Variants in DCAF5 observed in about 807,000 individuals in gnomAD.
DCAF5 encodes the protein DDB1- and CUL4-associated factor 5.
Under a neutral mutation model 80.7 loss-of-function variants are expected in DCAF5, and 9 were observed. That is an observed-to-expected ratio of 0.11 (90% CI 0.07 to 0.19). DCAF5 has a LOEUF of 0.19. DCAF5 is among the 10% of genes least tolerant of loss of function. The pLI, the probability that DCAF5 is intolerant of heterozygous loss-of-function variation, is 1.00. For synonymous variants in DCAF5, 433 were observed against 461.9 expected, an observed-to-expected ratio of 0.94 and a Z score of 0.80; for missense variants, 842 against 1,205.7, an observed-to-expected ratio of 0.70 and a Z score of 4.47.
Position 69,060,997 on chromosome 14 carries a change from T to TA in DCAF5, c.1074+1386dup, listed in dbSNP as rs201470616. 7.0e-3 allele frequency among the ~76,000 whole-genome samples: 1,059 copies of TA among 151,984 alleles called. 15 individuals are homozygous for TA. Among genetic ancestry groups the TA allele is most frequent in the African/African-American group, 0.024 (1,015 of 41,444 alleles). On this transcript the variant is annotated intron_variant, in intron 8 of 8. Coordinates refer to ENST00000341516, the MANE Select transcript of DCAF5 (RefSeq NM_003861.3). ...TCTCAGGTTTTCAAAGTCATTTTAA[T>TA]AAAAAAATTGAGGATTTTTTTTTTT...
In DCAF5 at chr14:69,118,302, G is replaced by T. The variant is rs747664048; in HGVS notation, c.396-24C>A. 6.2e-7 allele frequency: 1 copy of T among 1,612,594 alleles called. No homozygotes were observed. The highest frequency in any genetic ancestry group is 1.1e-5 in the South Asian group (1 of 90,932). ...TGCTGGGAGATAAGAGAGCAAGACA[G>T]AGGCACACACATACACACAAGCATA... On this transcript the variant is annotated intron_variant, in intron 3 of 8. Coordinates refer to ENST00000341516, the MANE Select transcript of DCAF5 (RefSeq NM_003861.3). This position sits in a 1 kb window ranked among gnomAD's most constrained non-coding sequence, Gnocchi z 4.0.
intron 2 of DCAF5, 31 bp downstream of exon 2, chr14:69,122,186 G>A (rs1183056347): frequency 1.3e-6 from 2 of 1,598,832 alleles, no homozygotes; most frequent in Middle Eastern, 1.7e-4. Context: ...CAACCACAGT[G>A]ACGTTCCCAA....
At chr14:69,140,908 G>A (rs189671833) in intron 1 of DCAF5, among the ~76,000 whole-genome samples, 8 of 152,144 alleles carry the variant, frequency 5.3e-5, no homozygotes, top group Admixed American at 3.9e-4. Flanking sequence ...CCCCCGCCTA[G>A]GGACTGAACT....
chr14:69,069,359 T>G lies in DCAF5; in HGVS notation c.946+5986A>C, dbSNP rs546003463. Among the ~76,000 whole-genome samples the G allele has an allele frequency of 1.2e-4, 18 of 152,298 alleles. No individual in the cohort carries two copies. In the East Asian group the frequency reaches 3.1e-3, roughly 26 times the overall value. ...ACTGATGAGTCAAGGGCAGCCTTCA[T>G]GCAAGAACAACTCAATCAGCCATTC... is the stretch of plus-strand genomic sequence containing the variant. On this transcript the variant is annotated intron_variant, in intron 7 of 8. Transcript: ENST00000341516.
At chr14:69,148,239 A>T (rs895477761) in intron 1 of DCAF5, among the ~76,000 whole-genome samples, 1 of 152,198 alleles carries the variant, frequency 6.6e-6, no homozygotes, top group Admixed American at 6.5e-5. Context: ...AACCCAAGAT[A>T]TCCCCTAAAT....
At chr14:69,120,065 C>T (rs915194563) in intron 2 of DCAF5, among the ~76,000 whole-genome samples, 1 of 151,984 alleles carries the variant, frequency 6.6e-6, no homozygotes, top group Middle Eastern at 3.4e-3. Flanking sequence ...CAGGATCTTG[C>T]TCTGTTTGTC....
At position 69,115,886 on chromosome 14, in the gene DCAF5, A is replaced by G. The variant is rs182992562; in HGVS notation, c.665+480T>C. ...AGAAAATGCACTTATTTGAATATACAATATATAATTTTCATATAATTTTGG... is the reference window on the plus strand; with the variant it reads ...AGAAAATGCACTTATTTGAATATACGATATATAATTTTCATATAATTTTGG... On this transcript the variant is annotated intron_variant, in intron 5 of 8. Coordinates refer to ENST00000341516, the MANE Select transcript of DCAF5 (RefSeq NM_003861.3). 3.9e-5 allele frequency among the ~76,000 whole-genome samples: 6 copies of G among 152,304 alleles called. No individual in the cohort carries two copies. In the East Asian group the frequency reaches 1.2e-3, roughly 29 times the overall value.
At chr14:69,101,918 C>T (rs2039965240) in intron 5 of DCAF5, among the ~76,000 whole-genome samples, 1 of 152,078 alleles carries the variant, frequency 6.6e-6, no homozygotes, top group African/African-American at 2.4e-5. Context: ...AGGGTATCCA[C>T]CATGAATAGC....
At chr14:69,115,789 G>A (rs750776789) in intron 5 of DCAF5, among the ~76,000 whole-genome samples, 1 of 152,172 alleles carries the variant, frequency 6.6e-6, no homozygotes, top group African/African-American at 2.4e-5. Flanking sequence ...ATGAGGTCCT[G>A]AACACCACAG....
At chr14:69,104,207 C>A (rs1425578155) in intron 5 of DCAF5, among the ~76,000 whole-genome samples, 2 of 152,138 alleles carry the variant, frequency 1.3e-5, no homozygotes, top group Non-Finnish European at 2.9e-5. Flanking sequence ...TACATATTCC[C>A]ACCAGCAATA....
At chr14:69,146,610 A>C (rs750706117) in intron 1 of DCAF5, among the ~76,000 whole-genome samples, 10 of 152,196 alleles carry the variant, frequency 6.6e-5, no homozygotes, top group Non-Finnish European at 1.3e-4. Flanking sequence ...GGTAGAGGGG[A>C]TATCTTTTAA....
At chr14:69,126,308 C>T (rs915000916) in intron 1 of DCAF5, among the ~76,000 whole-genome samples, 45 of 151,968 alleles carry the variant, frequency 3.0e-4, no homozygotes, top group Admixed American at 2.9e-3. Context: ...CAGACACCCA[C>T]CACCACGCCC....
chr14:69,139,759 T>C (rs2041305527), intron 1 of DCAF5, among the ~76,000 whole-genome samples: 1 of 148,644 alleles, frequency 6.7e-6, no homozygotes. Context: ...GCGACTGCAG[T>C]GAGTGAGATC....
chr14:69,060,433 T>C (rs2038162544), intron 8 of DCAF5, among the ~76,000 whole-genome samples: 2 of 152,190 alleles, frequency 1.3e-5, no homozygotes, highest in Admixed American at 6.5e-5. Flanking sequence ...AAATGTGTGC[T>C]GCAATGAAAG....
At chr14:69,137,380 A>G (rs991389207) in intron 1 of DCAF5, among the ~76,000 whole-genome samples, 1 of 152,122 alleles carries the variant, frequency 6.6e-6, no homozygotes, top group Admixed American at 6.5e-5. Flanking sequence ...AACCTGGACA[A>G]TATGCTCTCC....
At chr14:69,140,160 G>C (rs1385377106) in intron 1 of DCAF5, among the ~76,000 whole-genome samples, 2 of 151,962 alleles carry the variant, frequency 1.3e-5, no homozygotes, top group Non-Finnish European at 2.9e-5. Context: ...TCAGCTACTT[G>C]GGAAGCTGAG....
intron 1 of DCAF5, among the ~76,000 whole-genome samples, chr14:69,137,072 ATAAT>A (rs1458625933): frequency 6.6e-6 from 1 of 152,152 alleles, no homozygotes; most frequent in African/African-American, 2.4e-5. Context: ...CAAATTTCCT[ATAAT>A]TAATACATAA....
chr14:69,126,964 T>C (rs910714947), intron 1 of DCAF5, among the ~76,000 whole-genome samples: 4 of 152,180 alleles, frequency 2.6e-5, no homozygotes, highest in South Asian at 2.1e-4. Flanking sequence ...TAGAAGATAG[T>C]AGGAGAAAAC....
intron 6 of DCAF5, among the ~76,000 whole-genome samples, chr14:69,079,549 T>C (rs540591265): frequency 7.2e-5 from 11 of 152,350 alleles, no homozygotes; most frequent in Non-Finnish European, 1.6e-4. Flanking sequence ...GAATTCATTA[T>C]GGCATTTCAC....
Sources: allele counts gnomAD v4.1 joint callset (sites outside exome capture counted in the v4.1 genomes callset), GRCh38; gene constraint gnomAD v4.1.1; non-coding constraint Gnocchi (gnomAD v3.1); transcripts MANE v1.5; gene names NCBI Gene and HGNC (gene_info 2026-07-23, HGNC 2026-07-21).